STAG1: variants seen among roughly 807,000 people sequenced by gnomAD.
STAG1 encodes STAG1 cohesin complex component.
A neutral mutation model predicts 170.9 loss-of-function variants in STAG1; 26 were observed. The ratio of observed to expected loss-of-function variants is 0.15; its 90% CI spans 0.11 to 0.21. STAG1 has a LOEUF of 0.21. STAG1 is among the 10% of genes least tolerant of loss of function. The probability of loss-of-function intolerance (pLI) is 1.00; values close to 1 mark genes in which losing one functional copy is unlikely to be tolerated. For missense variants in STAG1, 964 were observed against 1,509.5 expected (o/e 0.64, Z 5.99); for synonymous variants, 514 against 497.7 (o/e 1.03, Z -0.44).
intron 22 of STAG1, among the ~76,000 whole-genome samples, chr3:136,390,548 A>G (rs2086981638): frequency 6.6e-6 from 1 of 152,246 alleles, no homozygotes; most frequent in Non-Finnish European, 1.5e-5. Flanking sequence ...GAACGACCGA[A>G]AGGAAAGGCT....
intron 20 of STAG1, 87 bp from the exon 21 acceptor site, chr3:136,418,059 A>G (rs1475014379): frequency 9.4e-7 from 1 of 1,060,350 alleles, no homozygotes; most frequent in Non-Finnish European, 1.4e-6. Flanking sequence ...GAAGAATAAA[A>G]TAATTTCATT....
At chr3:136,659,160 A>G (rs974094130) in intron 1 of STAG1, among the ~76,000 whole-genome samples, 5 of 152,366 alleles carry the variant, frequency 3.3e-5, no homozygotes, top group Middle Eastern at 3.4e-3. Flanking sequence ...GATAGCTGTG[A>G]AAGTGTTTCT....
At chr3:136,410,028 C>T (rs1196548496) in intron 21 of STAG1, among the ~76,000 whole-genome samples, 1 of 144,754 alleles carries the variant, frequency 6.9e-6, no homozygotes, top group Non-Finnish European at 1.5e-5. Flanking sequence ...TGTGATTGTG[C>T]CACTGCCCTC....
At chr3:136,740,331 T>C (rs991187930) in intron 1 of STAG1, among the ~76,000 whole-genome samples, 11 of 152,312 alleles carry the variant, frequency 7.2e-5, no homozygotes, top group Admixed American at 5.9e-4. Flanking sequence ...CTCCATAATA[T>C]GTCCCTCCCT....
intron 4 of STAG1, chr3:136,591,610 G>A (rs540529773): frequency 2.8e-6 from 1 of 358,154 alleles, no homozygotes; most frequent in Non-Finnish European, 5.4e-6. Flanking sequence ...TGTATTGGTG[G>A]TATAACAGAC....
chr3:136,555,615 C>G (rs1365444093), intron 5 of STAG1, among the ~76,000 whole-genome samples: 1 of 152,046 alleles, frequency 6.6e-6, no homozygotes, highest in East Asian at 1.9e-4. Flanking sequence ...ACCCAGGAGG[C>G]GGGGGTTGCA....
chr3:136,476,070 C>T (rs1204739759), intron 10 of STAG1, among the ~76,000 whole-genome samples: 1 of 152,160 alleles, frequency 6.6e-6, no homozygotes, highest in African/African-American at 2.4e-5. Context: ...CTTGAACTCC[C>T]CATTTCCTCT....
intron 5 of STAG1, among the ~76,000 whole-genome samples, chr3:136,565,117 AGAAAG>A (rs1937026635): frequency 6.7e-6 from 1 of 148,260 alleles, no homozygotes; most frequent in Admixed American, 6.7e-5. Context: ...AGAGAGAGAA[AGAAAG>A]GAAAGAGAAA....
intron 14 of STAG1, among the ~76,000 whole-genome samples, chr3:136,447,102 C>G (rs551426020): frequency 1.3e-5 from 2 of 151,856 alleles, no homozygotes; most frequent in Non-Finnish European, 2.9e-5. Flanking sequence ...TCGTGCCTGG[C>G]ATTTTTGGGA....
At chr3:136,550,697 G>T (rs1243328340) in intron 5 of STAG1, among the ~76,000 whole-genome samples, 1 of 152,168 alleles carries the variant, frequency 6.6e-6, no homozygotes, top group African/African-American at 2.4e-5. Flanking sequence ...ATTTATTGGT[G>T]TAGAGTCGTT....
chr3:136,513,334 G>A (rs758488434), intron 7 of STAG1, among the ~76,000 whole-genome samples: 20 of 151,878 alleles, frequency 1.3e-4, no homozygotes, highest in African/African-American at 2.4e-4. Context: ...TCCAGTCTGG[G>A]TGACAGAGCA....
At chr3:136,460,788 T>C (rs1257296290) in intron 13 of STAG1, among the ~76,000 whole-genome samples, 4 of 151,242 alleles carry the variant, frequency 2.6e-5, no homozygotes, top group Admixed American at 1.3e-4. Context: ...TTCCAGAAAA[T>C]TGAAGATAAG....
chr3:136,637,131 T>C (rs565885669), intron 1 of STAG1, among the ~76,000 whole-genome samples: 1 of 152,358 alleles, frequency 6.6e-6, no homozygotes, highest in African/African-American at 2.4e-5. Context: ...GACAGCCTAC[T>C]GTATACTTAA....
At chr3:136,590,776 G>A (rs1660509500) in intron 4 of STAG1, among the ~76,000 whole-genome samples, 1 of 152,146 alleles carries the variant, frequency 6.6e-6, no homozygotes, top group Non-Finnish European at 1.5e-5. Context: ...TACAATTGTG[G>A]AGACACTATG....
chr3:136,377,019 T>G (rs1260547221), intron 23 of STAG1, among the ~76,000 whole-genome samples: 1 of 150,930 alleles, frequency 6.6e-6, no homozygotes, highest in African/African-American at 2.4e-5. Flanking sequence ...CCTTGTGATC[T>G]GCCCACCTCG....
chr3:136,722,295 C>A (rs1379182838), intron 1 of STAG1, among the ~76,000 whole-genome samples: 2 of 152,086 alleles, frequency 1.3e-5, no homozygotes, highest in Non-Finnish European at 2.9e-5. Flanking sequence ...TATATCTTTC[C>A]GTTTTTGTCC....
At chr3:136,365,779 T>C (rs541127050) in intron 25 of STAG1, among the ~76,000 whole-genome samples, 10 of 152,228 alleles carry the variant, frequency 6.6e-5, no homozygotes, top group African/African-American at 2.4e-4. Context: ...GACATTTTCT[T>C]TTAGAAAGGT....
chr3:136,506,097 T>G (rs1251394542), intron 7 of STAG1, among the ~76,000 whole-genome samples: 1 of 152,142 alleles, frequency 6.6e-6, no homozygotes, highest in African/African-American at 2.4e-5. Flanking sequence ...CTAGAGAATG[T>G]GGAGTGATGT....
At chr3:136,702,369 T>A (rs947753017) in intron 1 of STAG1, among the ~76,000 whole-genome samples, 1 of 152,202 alleles carries the variant, frequency 6.6e-6, no homozygotes, top group African/African-American at 2.4e-5. Context: ...CTTACCAAGT[T>A]CAGTTATAAA....
Sources: gnomAD v4.1 joint callset for allele counts (sites outside exome capture counted in the v4.1 genomes callset) on GRCh38, gnomAD v4.1.1 for gene constraint, MANE v1.5 for transcripts, NCBI Gene and HGNC (gene_info 2026-07-23, HGNC 2026-07-21) for gene names.